ASPH: variants seen among roughly 807,000 people sequenced by gnomAD.
ASPH encodes the protein aspartyl/asparaginyl beta-hydroxylase.
In ASPH, 100 loss-of-function variants were observed where a neutral mutation model predicts 118.4. That is an observed-to-expected ratio of 0.84 (90% CI 0.72 to 1.00). The LOEUF is 1.00. ASPH is among the 50% of genes least tolerant of loss of function. The pLI is 0.00. For missense variants in ASPH, 920 were observed against 919.5 expected (o/e 1.00, Z -0.01); for synonymous variants, 315 against 325.6 (o/e 0.97, Z 0.35).
intron 15 of ASPH, chr8:61,578,093 TG>T (rs1381669793): frequency 5.0e-6 from 5 of 1,006,220 alleles, no homozygotes; most frequent in South Asian, 1.7e-5. Flanking sequence ...TAAGATACAA[TG>T]GGGGTACAGG....
intron 22 of ASPH, among the ~76,000 whole-genome samples, chr8:61,523,913 A>G (rs527488823): frequency 1.3e-5 from 2 of 152,314 alleles, no homozygotes; most frequent in South Asian, 4.1e-4. Flanking sequence ...CAATATAGTG[A>G]GACCCTATCT....
At chr8:61,558,737 G>A (rs1248981521) in intron 18 of ASPH, among the ~76,000 whole-genome samples, 1 of 152,190 alleles carries the variant, frequency 6.6e-6, no homozygotes, top group Non-Finnish European at 1.5e-5. Context: ...TAATGGACAT[G>A]CAGGTTGTAT....
chr8:61,534,049 G>A (rs540907910), intron 21 of ASPH, among the ~76,000 whole-genome samples: 2 of 152,296 alleles, frequency 1.3e-5, no homozygotes, highest in South Asian at 4.1e-4. Flanking sequence ...CCGGGATCAA[G>A]TAATTCTCCT....
intron 21 of ASPH, among the ~76,000 whole-genome samples, chr8:61,538,096 G>T (rs896558214): frequency 2.6e-5 from 4 of 152,162 alleles, no homozygotes; most frequent in African/African-American, 4.8e-5. Context: ...CACGGGAGAA[G>T]AGGAGCTGAG....
intron 15 of ASPH, among the ~76,000 whole-genome samples, chr8:61,579,900 T>C (rs1401689397): frequency 1.8e-5 from 2 of 114,186 alleles, no homozygotes; most frequent in East Asian, 4.8e-4. Context: ...CAGCTAGCTC[T>C]GCCAATGTCA....
At chr8:61,662,560 CCT>C (rs1439537211) in intron 3 of ASPH, among the ~76,000 whole-genome samples, 1 of 152,018 alleles carries the variant, frequency 6.6e-6, no homozygotes, top group Non-Finnish European at 1.5e-5. Flanking sequence ...TGATTTTAAC[CCT>C]CTAATCATGA....
At chr8:61,624,870 T>C (rs1413103926) in intron 13 of ASPH, 2 of 985,558 alleles carry the variant, frequency 2.0e-6, no homozygotes, top group Admixed American at 1.2e-4. Context: ...CATCTCTGTA[T>C]CACCGACAGC....
chr8:61,621,636 AGGAG>A (rs1421086202), intron 13 of ASPH, among the ~76,000 whole-genome samples: 2 of 152,252 alleles, frequency 1.3e-5, no homozygotes, highest in Non-Finnish European at 2.9e-5. Flanking sequence ...CATCATTCAT[AGGAG>A]GTAGTTATAA....
At chr8:61,551,566 G>C (rs1271314211) in intron 20 of ASPH, among the ~76,000 whole-genome samples, 2 of 152,140 alleles carry the variant, frequency 1.3e-5, no homozygotes, top group Non-Finnish European at 2.9e-5. Context: ...CAAATCCCAA[G>C]CCCTTAACAA....
intron 1 of ASPH, among the ~76,000 whole-genome samples, chr8:61,710,224 C>G (rs1338024019): frequency 6.6e-6 from 1 of 152,132 alleles, no homozygotes; most frequent in African/African-American, 2.4e-5. Flanking sequence ...TTTAGCGATT[C>G]TTGGTTCTGA....
intron 24 of ASPH, among the ~76,000 whole-genome samples, chr8:61,504,502 T>G (rs1417548802): frequency 1.3e-5 from 2 of 152,200 alleles, no homozygotes; most frequent in Non-Finnish European, 2.9e-5. Flanking sequence ...TGGTGAATTT[T>G]TATGTTCCAT....
At chr8:61,704,688 G>C (rs1836150714) in intron 1 of ASPH, among the ~76,000 whole-genome samples, 1 of 152,038 alleles carries the variant, frequency 6.6e-6, no homozygotes, top group Admixed American at 6.5e-5. Flanking sequence ...CTTCACTAAA[G>C]ATAATGGGTG....
intron 21 of ASPH, among the ~76,000 whole-genome samples, chr8:61,542,055 T>C (rs546529624): frequency 6.6e-6 from 1 of 152,328 alleles, no homozygotes; most frequent in African/African-American, 2.4e-5. Flanking sequence ...TCAGTAAACA[T>C]GCTTTGTATG....
chr8:61,656,264 C>G (rs2151189182), intron 3 of ASPH: 1 of 152,284 alleles, frequency 6.6e-6, no homozygotes, highest in South Asian at 2.1e-4. Flanking sequence ...AAACTGCCAG[C>G]TTATAATGGT....
rs556088875 is a variant in ASPH, at chr8:61,602,498, C to T, written c.976+16480G>A. Among the ~76,000 whole-genome samples the T allele has an allele frequency of 1.0e-3, 153 of 151,398 alleles. 8 individuals carry two copies. The highest frequency in any genetic ancestry group is 3.5e-3 in the African/African-American group (144 of 40,770). On this transcript the variant is annotated intron_variant, in intron 14 of 24. Transcript: ENST00000379454. ...AAAATCTAAAGCTAACAATACTAAA[C>T]GGTAACAGACTGAATTCTACCCTCT...
At chr8:61,505,875 A>G (rs1028838969) in intron 24 of ASPH, among the ~76,000 whole-genome samples, 12 of 152,232 alleles carry the variant, frequency 7.9e-5, no homozygotes, top group African/African-American at 2.9e-4. Flanking sequence ...TCAGTGAAAC[A>G]GTCCACAGCT....
chr8:61,588,328 A>G (rs1177668554), intron 14 of ASPH, among the ~76,000 whole-genome samples: 2 of 152,208 alleles, frequency 1.3e-5, no homozygotes, highest in Non-Finnish European at 2.9e-5. Context: ...AAAAGAAGGA[A>G]AATAAAAGGA....
intron 21 of ASPH, among the ~76,000 whole-genome samples, chr8:61,542,621 A>G (rs1466503761): frequency 3.3e-5 from 5 of 152,206 alleles, no homozygotes; most frequent in African/African-American, 1.2e-4. Context: ...TTGGAATAAG[A>G]TAGAAGAAAA....
chr8:61,599,228 C>A (rs116129475), intron 14 of ASPH, among the ~76,000 whole-genome samples: 1,534 of 151,614 alleles, frequency 0.01, 32 homozygotes, highest in African/African-American at 0.034. Context: ...GGACAAAAAA[C>A]CAAACAACAC....
Sources: gnomAD v4.1 joint callset for allele counts (sites outside exome capture counted in the v4.1 genomes callset) on GRCh38, gnomAD v4.1.1 for gene constraint, MANE v1.5 for transcripts, NCBI Gene and HGNC (gene_info 2026-07-23, HGNC 2026-07-21) for gene names.